The following CRISPLD2 variants were observed in gnomAD, a reference collection of about 807,000 sequenced individuals.
The protein encoded by CRISPLD2 is cysteine-rich secretory protein LCCL domain-containing 2.
A neutral mutation model predicts 71.1 loss-of-function variants in CRISPLD2; 47 were observed. The ratio of observed to expected loss-of-function variants is 0.66; its 90% CI spans 0.52 to 0.84. The LOEUF (loss-of-function observed/expected upper bound fraction) is 0.84, where lower values mean the gene tolerates loss of function less well. Among genes scored for constraint, CRISPLD2 ranks in the 40% least tolerant of loss-of-function variants. CRISPLD2 has a pLI of 0.00. For missense variants in CRISPLD2, 830 were observed against 651.1 expected (o/e 1.27, Z -2.99); for synonymous variants, 317 against 250.1 (o/e 1.27, Z -2.52).
At chr16:84,862,262 G>T (rs896452252) in intron 6 of CRISPLD2, among the ~76,000 whole-genome samples, 3 of 152,046 alleles carry the variant, frequency 2.0e-5, no homozygotes, top group Non-Finnish European at 2.9e-5. Context: ...GAGTGCAGTG[G>T]CGTAATCTTG....
chr16:84,858,838 C>G (rs1279931960), intron 6 of CRISPLD2, among the ~76,000 whole-genome samples: 1 of 152,204 alleles, frequency 6.6e-6, no homozygotes, highest in Middle Eastern at 3.2e-3. Flanking sequence ...TACCAGGTAC[C>G]AGGAGATGCG....
chr16:84,826,262 A>C (rs900501163), intron 1 of CRISPLD2, among the ~76,000 whole-genome samples: 5 of 152,222 alleles, frequency 3.3e-5, no homozygotes, highest in Admixed American at 3.3e-4. Context: ...ACCTCCCTCC[A>C]AAATCAGGAA....
chr16:84,859,601 C>T (rs1202694882), intron 6 of CRISPLD2, among the ~76,000 whole-genome samples: 2 of 152,144 alleles, frequency 1.3e-5, no homozygotes, highest in East Asian at 1.9e-4. Context: ...ATGGAGGGAC[C>T]GTGATTCTCT....
chr16:84,845,713 G>A (rs1370432557), intron 2 of CRISPLD2, 73 bp from the exon 3 acceptor site: 45 of 980,946 alleles, frequency 4.6e-5, no homozygotes, highest in Admixed American at 3.2e-4. Flanking sequence ...AGGCTGGGGC[G>A]TTGCTGTATT....
At chr16:84,832,675 A>G (rs149462959) in intron 1 of CRISPLD2, among the ~76,000 whole-genome samples, 1 of 152,364 alleles carries the variant, frequency 6.6e-6, no homozygotes, top group African/African-American at 2.4e-5. Flanking sequence ...TGTCGGGGTC[A>G]TGGGATGAGC....
At chr16:84,837,003 C>T (rs1916637244) in intron 1 of CRISPLD2, among the ~76,000 whole-genome samples, 1 of 152,200 alleles carries the variant, frequency 6.6e-6, no homozygotes, top group Non-Finnish European at 1.5e-5. Flanking sequence ...TCTCCCCGAC[C>T]TAACTGAGCT....
chr16:84,897,708 G>T (rs537690963), intron 14 of CRISPLD2, among the ~76,000 whole-genome samples: 3 of 152,020 alleles, frequency 2.0e-5, no homozygotes, highest in South Asian at 4.2e-4. Flanking sequence ...CCTCTGCCCC[G>T]CAGGTTCAAG....
chr16:84,824,832 C>T (rs551122966), intron 1 of CRISPLD2, among the ~76,000 whole-genome samples: 6 of 152,272 alleles, frequency 3.9e-5, no homozygotes, highest in East Asian at 1.9e-4. Context: ...GGGCCAGGCG[C>T]GGTGGCTCAT....
chr16:84,852,201 C>T (rs1917108205), intron 5 of CRISPLD2, among the ~76,000 whole-genome samples: 1 of 152,220 alleles, frequency 6.6e-6, no homozygotes, highest in Admixed American at 6.5e-5. Context: ...TTCATCAAGG[C>T]CCTGTCTCCA....
chr16:84,881,879 A>C (rs1266495311), intron 13 of CRISPLD2, among the ~76,000 whole-genome samples: 3 of 152,124 alleles, frequency 2.0e-5, no homozygotes, highest in Non-Finnish European at 4.4e-5. Flanking sequence ...AATGTGTTCC[A>C]GATTCCTGTA....
chr16:84,902,609 CA>C (rs977323335), intron 14 of CRISPLD2, among the ~76,000 whole-genome samples: 29 of 143,374 alleles, frequency 2.0e-4, no homozygotes, highest in African/African-American at 2.6e-4. Flanking sequence ...GACTCCATCT[CA>C]AAAAAAAAAG....
intron 6 of CRISPLD2, among the ~76,000 whole-genome samples, chr16:84,856,817 A>G (rs1917253239): frequency 6.6e-6 from 1 of 152,204 alleles, no homozygotes; most frequent in African/African-American, 2.4e-5. Context: ...GAATTCCATG[A>G]GCATGAGCCC....
intron 14 of CRISPLD2, among the ~76,000 whole-genome samples, chr16:84,905,351 TAGAA>T (rs1038921853): frequency 5.3e-5 from 8 of 152,168 alleles, no homozygotes; most frequent in South Asian, 2.1e-4. Context: ...ATTGTACACT[TAGAA>T]AGGTTGAGTT....
At chr16:84,845,639 C>G in intron 2 of CRISPLD2, 147 bp from the exon 3 acceptor site, 2 of 647,028 alleles carry the variant, frequency 3.1e-6, no homozygotes, top group East Asian at 5.5e-5. Context: ...CCACGCCCCC[C>G]TGGCTGATTT....
In CRISPLD2 at chr16:84,889,255, T is replaced by C; in HGVS notation, c.1331T>C (p.Val444Ala). 1 of 1,614,090 alleles carries C rather than the reference T, an allele frequency of 6.2e-7. No homozygotes were observed. The highest frequency in any genetic ancestry group is 1.1e-5 in the South Asian group (1 of 91,082). Residue 444 changes from valine (V) to alanine (A), a missense_variant, in exon 14 of 15, where the codon GTG becomes GCG. Transcript: ENST00000262424. ...ACCTCAAGCATCTGCAAGACAGCCG[T>C]GCACGCGGGAGTCATCAGCAACGAG... ...ADTSSICKTA[V>A]HAGVISNESG...
intron 4 of CRISPLD2, among the ~76,000 whole-genome samples, 167 bp downstream of exon 4, chr16:84,849,684 A>C (rs1298799673): frequency 3.3e-5 from 5 of 151,838 alleles, no homozygotes; most frequent in African/African-American, 1.2e-4. Flanking sequence ...GCTGTTTGTT[A>C]CCAGCAAGGT....
chr16:84,836,492 G>C (rs1916623932), intron 1 of CRISPLD2: 1 of 152,176 alleles, frequency 6.6e-6, no homozygotes, highest in Middle Eastern at 3.2e-3. Context: ...GAGGAGGGCA[G>C]CCCGTCTGCC....
intron 6 of CRISPLD2, among the ~76,000 whole-genome samples, chr16:84,862,110 C>A (rs1371983768): frequency 6.6e-6 from 1 of 152,156 alleles, no homozygotes; most frequent in East Asian, 1.9e-4. Flanking sequence ...ATGCATGTGT[C>A]TTGCTGGTGC....
chr16:84,906,461 C>A, intron 14 of CRISPLD2, 127 bp from the exon 15 acceptor site: 1 of 879,324 alleles, frequency 1.1e-6, no homozygotes. Context: ...AAGGAAGTGT[C>A]CCTTGGCCAT....
Sources: gnomAD v4.1 joint callset for allele counts (sites outside exome capture counted in the v4.1 genomes callset) on GRCh38, gnomAD v4.1.1 for gene constraint, MANE v1.5 for transcripts, NCBI Gene and HGNC (gene_info 2026-07-23, HGNC 2026-07-21) for gene names.